Variants in APC observed in about 807,000 individuals in gnomAD.
APC encodes the protein APC regulator of Wnt signaling pathway.
In APC, 72 loss-of-function variants were observed where a neutral mutation model predicts 247.0. The ratio of observed to expected loss-of-function variants is 0.29; its 90% CI spans 0.24 to 0.35. APC has a LOEUF of 0.35. APC is among the 10% of genes least tolerant of loss of function. The probability of loss-of-function intolerance (pLI) is 1.00; values close to 1 mark genes in which losing one functional copy is unlikely to be tolerated. For missense variants in APC, 3,400 were observed against 3,360.7 expected, an observed-to-expected ratio of 1.01 and a Z score of -0.29; for synonymous variants, 1,254 against 1,162.5, an observed-to-expected ratio of 1.08 and a Z score of -1.60.
chr5:112,720,413 C>G (rs1414580216), intron 1 of APC, among the ~76,000 whole-genome samples: 3 of 152,108 alleles, frequency 2.0e-5, no homozygotes, highest in Non-Finnish European at 4.4e-5. Context: ...TGCTCACTTG[C>G]CTTTAAAAAA....
At chr5:112,795,752 C>T (rs980030640) in intron 7 of APC, among the ~76,000 whole-genome samples, 2 of 152,202 alleles carry the variant, frequency 1.3e-5, no homozygotes, top group African/African-American at 4.8e-5. Flanking sequence ...ATACGTTTTT[C>T]TCATGCACCC....
intron 1 of APC, among the ~76,000 whole-genome samples, chr5:112,708,069 A>G (rs1002309653): frequency 6.6e-6 from 1 of 151,880 alleles, no homozygotes; most frequent in African/African-American, 2.4e-5. Flanking sequence ...CAGGTCCTCC[A>G]TTCTCACGCA....
At chr5:112,746,117 A>G in intron 1 of APC, among the ~76,000 whole-genome samples, 1 of 151,810 alleles carries the variant, frequency 6.6e-6, no homozygotes, top group East Asian at 1.9e-4. Context: ...AACTCTGACA[A>G]TACATTTGAA....
chr5:112,836,002 C>T (rs932860753), intron 15 of APC, among the ~76,000 whole-genome samples: 4 of 136,858 alleles, frequency 2.9e-5, no homozygotes, highest in African/African-American at 1.1e-4. Flanking sequence ...AACAAAAATA[C>T]AACTGTCTTT....
At chr5:112,813,964 C>T (rs1027136082) in intron 8 of APC, among the ~76,000 whole-genome samples, 1 of 152,074 alleles carries the variant, frequency 6.6e-6, no homozygotes. Flanking sequence ...AAAGACAATT[C>T]GAATGATGTC....
Position 112,712,124 on chromosome 5 carries a change from A to G in APC, c.165+4242A>G, listed in dbSNP as rs147358276. Among the ~76,000 whole-genome samples, 293 of 152,322 alleles carry G rather than the reference A, an allele frequency of 1.9e-3. 3 individuals carry two copies. Among genetic ancestry groups the G allele is most frequent in the Admixed American group, 0.016 (248 of 15,298 alleles). The stretch of plus-strand genomic sequence containing the variant: ...ACCTGAAAATAGAGACTGCAACACA[A>G]TACGGGGAAGGGGTGGATCCTGGGG... On this transcript the variant is annotated intron_variant, in intron 1 of 13. Transcript: ENST00000507379.
intron 7 of APC, among the ~76,000 whole-genome samples, chr5:112,799,288 CA>C (rs1221154991): frequency 2.0e-5 from 3 of 151,702 alleles, no homozygotes; most frequent in Admixed American, 1.3e-4. Flanking sequence ...CACCTTGCAG[CA>C]AAAAACCTTC....
At chr5:112,757,692 C>T (rs1755142908) in intron 2 of APC, among the ~76,000 whole-genome samples, 2 of 152,064 alleles carry the variant, frequency 1.3e-5, no homozygotes, top group African/African-American at 4.8e-5. Flanking sequence ...GTCTGAAAAA[C>T]AAAAACAAAA....
At chr5:112,828,517 A>G (rs983762077) in intron 13 of APC, among the ~76,000 whole-genome samples, 1 of 151,230 alleles carries the variant, frequency 6.6e-6, no homozygotes, top group South Asian at 2.1e-4. Flanking sequence ...CAGTGGTGCG[A>G]TTATGGCTCA....
chr5:112,781,383 AAG>A (rs746078379), intron 6 of APC, among the ~76,000 whole-genome samples: 10 of 152,238 alleles, frequency 6.6e-5, no homozygotes, highest in Non-Finnish European at 1.3e-4. Flanking sequence ...AATGTCAAGA[AAG>A]AGTATTAGCT....
intron 1 of APC, among the ~76,000 whole-genome samples, chr5:112,713,068 G>A (rs1279065275): frequency 2.0e-5 from 3 of 151,752 alleles, no homozygotes; most frequent in Non-Finnish European, 2.9e-5. Flanking sequence ...CTACTCAGGA[G>A]GCTGAGGCAG....
intron 2 of APC, among the ~76,000 whole-genome samples, chr5:112,759,764 C>T (rs1284155342): frequency 6.6e-6 from 1 of 152,106 alleles, no homozygotes; most frequent in East Asian, 1.9e-4. Flanking sequence ...TTTTAAAATA[C>T]AAATGAATAT....
At chr5:112,780,977 A>G (rs1460401360) in intron 6 of APC, 74 bp downstream of exon 6, 1 of 994,564 alleles carries the variant, frequency 1.0e-6, no homozygotes, top group Non-Finnish European at 1.6e-6. Flanking sequence ...CTCTGTTAAT[A>G]TTGATTAAAT....
In APC at chr5:112,843,173, G is replaced by A. The variant is rs2149989989; in HGVS notation, c.7579G>A (p.Asp2527Asn). ...TGATGGAAGACCAGCAAAGCGCCAT[G>A]ATATTGCACGGTCTCATTCTGAAAG... ...YNDGRPAKRH[D>N]IARSHSESPS... Residue 2527 changes from aspartate to asparagine, a missense_variant, in exon 16 of 16, where the codon GAT becomes AAT. Transcript: ENST00000257430. This position sits in a 1 kb window ranked among gnomAD's most constrained non-coding sequence, Gnocchi z 4.8. 6.2e-7 allele frequency: 1 copy of A among 1,613,336 alleles called. No individual in the cohort carries two copies. The highest frequency in any genetic ancestry group is 8.5e-7 in the Non-Finnish European group (1 of 1,179,318).
chr5:112,783,775 A>C (rs1013162784), intron 6 of APC: 80 of 390,964 alleles, frequency 2.0e-4, no homozygotes, highest in African/African-American at 6.0e-4. Context: ...CAAAAAAAAA[A>C]AAAAAAAAAG....
intron 2 of APC, among the ~76,000 whole-genome samples, chr5:112,759,727 T>C (rs1244318923): frequency 2.6e-5 from 4 of 152,242 alleles, no homozygotes; most frequent in African/African-American, 9.6e-5. Flanking sequence ...ATAGTGTAAT[T>C]AATCTTTTAA....
intron 2 of APC, among the ~76,000 whole-genome samples, chr5:112,759,655 T>C (rs1298405189): frequency 6.6e-6 from 1 of 152,140 alleles, no homozygotes; most frequent in Non-Finnish European, 1.5e-5. Context: ...GTGCCCAGCC[T>C]AATGAATAAT....
Position 112,792,498 on chromosome 5 carries a change from A to G in APC, c.698A>G (p.Gln233Arg). Residue 233 changes from glutamine (Q) to arginine (R), a missense_variant, in exon 7 of 16, where the codon CAG becomes CGG. This residue lies in a region of APC where 372 missense variants were observed against 367.6 expected (regional missense o/e 1.01). Transcript: ENST00000257430. ...QIEKDILRIR[Q>R]LLQSQATEAE... ...GAAAAGGACATACTTCGTATACGAC[A>G]GCTTTTACAGTCCCAAGCAACAGAA... is the stretch of plus-strand genomic sequence containing the variant. 6.2e-7 allele frequency: 1 copy of G among 1,612,758 alleles called. No homozygotes were observed. Among genetic ancestry groups the G allele is most frequent in the Non-Finnish European group, 8.5e-7 (1 of 1,179,224 alleles).
At chr5:112,728,459 A>G (rs756910692) in intron 1 of APC, among the ~76,000 whole-genome samples, 1 of 152,186 alleles carries the variant, frequency 6.6e-6, no homozygotes, top group Non-Finnish European at 1.5e-5. Flanking sequence ...GCTCAAGACA[A>G]TTCTTCCAGT....
Sources: gnomAD v4.1 joint callset for allele counts (sites outside exome capture counted in the v4.1 genomes callset) on GRCh38, gnomAD v4.1.1 for gene constraint, gnomAD v4.1.1 regional missense constraint, Gnocchi (gnomAD v3.1) non-coding constraint, MANE v1.5 for transcripts, NCBI Gene and HGNC (gene_info 2026-07-23, HGNC 2026-07-21) for gene names.